The following CEBPZ variants were observed in gnomAD, a reference collection of about 807,000 sequenced individuals.
The protein encoded by CEBPZ is CCAAT/enhancer-binding protein zeta.
In CEBPZ, 78 loss-of-function variants were observed where a neutral mutation model predicts 104.5. That is an observed-to-expected ratio of 0.75 (90% confidence interval 0.62 to 0.90). CEBPZ has a LOEUF of 0.90. Ranked by LOEUF, CEBPZ falls within the 40% of genes least tolerant of loss-of-function variation. CEBPZ has a pLI of 0.00. For missense variants in CEBPZ, 1,439 were observed against 1,233.5 expected, an observed-to-expected ratio of 1.17 and a Z score of -2.50; for synonymous variants, 470 against 427.0, an observed-to-expected ratio of 1.10 and a Z score of -1.24.
chr2:37,223,765 C>T (rs1664821616), intron 2 of CEBPZ, among the ~76,000 whole-genome samples: 1 of 152,188 alleles, frequency 6.6e-6, no homozygotes, highest in South Asian at 2.1e-4. Context: ...CCCATGAAAG[C>T]AGAACATTAG....
intron 6 of CEBPZ, among the ~76,000 whole-genome samples, chr2:37,216,649 A>G (rs1207192540): frequency 1.3e-5 from 2 of 152,236 alleles, no homozygotes. Context: ...ATAGACTAAT[A>G]TTAATAATGC....
At chr2:37,222,319 A>G (rs1281340168) in intron 4 of CEBPZ, 61 bp downstream of exon 4, 1 of 1,317,790 alleles carries the variant, frequency 7.6e-7, no homozygotes, top group African/African-American at 1.5e-5. Context: ...GTAGAATGCT[A>G]TTTTCTATGA....
Position 37,211,866 on chromosome 2 carries a change from T to C in CEBPZ, c.2777A>G (p.Asp926Gly), listed in dbSNP as rs371661159. Residue 926 changes from aspartate (D) to glycine (G), a missense_variant, in exon 12 of 16, where the codon GAT (aspartate) becomes GGT (glycine). Asp to Gly is a moderately conservative substitution (Grantham distance 94). Transcript: ENST00000234170. ...EDGGTFMDVLDDESESVPELE... is the reference protein window; with the variant it reads ...EDGGTFMDVLGDESESVPELE... ...ACCTGGAACGCTCTCACTTTCATCA[T>C]CTAACACATCCATGAATGTTCCTCC... The C allele has an allele frequency of 6.2e-7, 1 of 1,605,838 alleles. No individual in the cohort carries two copies. Among genetic ancestry groups the C allele is most frequent in the Non-Finnish European group, 8.5e-7 (1 of 1,177,216 alleles).
chr2:37,209,343 C>G (rs1486165319), intron 13 of CEBPZ: 2 of 152,088 alleles, frequency 1.3e-5, no homozygotes, highest in Non-Finnish European at 2.9e-5. Flanking sequence ...CCAAGCAAGA[C>G]TAAACAAAAA....
chr2:37,220,471 C>A lies in CEBPZ; in HGVS notation c.2068G>T (p.Gly690Trp). The A allele has an allele frequency of 6.4e-7, 1 of 1,565,766 alleles. No individual in the cohort carries two copies. The highest frequency in any genetic ancestry group is 1.8e-5 in the Admixed American group (1 of 57,112). Residue 690 changes from glycine (G) to tryptophan (W), a missense_variant and splice_region_variant, in exon 5 of 16, where the codon GGG becomes TGG. Transcript: ENST00000234170. ...SWVHFDNLKG[G>W]KQLNKYDPFS... ...GGATCGTATTTATTTAACTGTTTCCCACCTAGGAATAACAAAAAAAATACG... is the reference window on the plus strand; with the variant it reads ...GGATCGTATTTATTTAACTGTTTCCAACCTAGGAATAACAAAAAAAATACG...
rs1055340783 is a variant in CEBPZ, at chr2:37,228,470, C to A, written c.723G>T (p.Ser241=). The change falls in exon 2 of 16, where the codon TCG becomes TCT. Residue 241 remains serine (S), a synonymous_variant. Transcript: ENST00000234170. ...CTGCCATCCTGTCACCTAGTGTCCC[C>A]GATGACACAATTGCCTTCATCCAGG... ...SSTWMKAIVS[S]GTLGDRMAAM... 6.2e-7 allele frequency: 1 copy of A among 1,614,120 alleles called. No homozygotes were observed.
chr2:37,220,461 A>T lies in CEBPZ; in HGVS notation c.2078T>A (p.Leu693Ter). 1 of 1,590,378 alleles carries T rather than the reference A, an allele frequency of 6.3e-7. No homozygotes were observed. The highest frequency in any genetic ancestry group is 8.6e-7 in the Non-Finnish European group (1 of 1,162,814). The change falls in exon 5 of 16, where the codon TTA becomes TAA. Residue 693 changes from leucine (L) to a stop codon, truncating the protein, a stop_gained. Coordinates refer to ENST00000234170, the MANE Select transcript of CEBPZ (RefSeq NM_005760.3). LOFTEE classifies it high-confidence loss of function. ...HFDNLKGGKQ[L>*]NKYDPFSRNP... ...TCTACTGAATGGATCGTATTTATTT[A>T]ACTGTTTCCCACCTAGGAATAACAA...
intron 4 of CEBPZ, among the ~76,000 whole-genome samples, chr2:37,220,866 G>A (rs928021988): frequency 6.6e-6 from 1 of 152,100 alleles, no homozygotes; most frequent in Non-Finnish European, 1.5e-5. Context: ...GTGTGGTGGT[G>A]TGTGCCTGTA....
intron 2 of CEBPZ, among the ~76,000 whole-genome samples, chr2:37,227,251 C>A (rs1340513706): frequency 6.6e-6 from 1 of 152,152 alleles, no homozygotes. Context: ...ACAAATATAG[C>A]AAAATGTTAA....
At chr2:37,230,766 C>T (rs1265646885) in intron 1 of CEBPZ, among the ~76,000 whole-genome samples, 1 of 152,150 alleles carries the variant, frequency 6.6e-6, no homozygotes. Context: ...CACTCTTCTG[C>T]CTGTCTTTGC....
chr2:37,217,907 A>AAC (rs959240337), intron 5 of CEBPZ, among the ~76,000 whole-genome samples: 4 of 149,826 alleles, frequency 2.7e-5, no homozygotes, highest in African/African-American at 9.8e-5. Flanking sequence ...GTCTCAAAAA[A>AAC]AAAAAACAAA....
rs1156244444 is a variant in CEBPZ, at chr2:37,227,465, GC to G, written c.1649+78del. On this transcript the variant is annotated intron_variant, in intron 2 of 15. Coordinates refer to ENST00000234170, the MANE Select transcript of CEBPZ (RefSeq NM_005760.3). ...ACCAAATTTTCTAACTCTTTTTCTT[GC>G]CCCACAGAGGGCACTGCTTGTGCTG... 1.8e-5 allele frequency: 25 copies of G among 1,404,116 alleles called. 1 individual carries two copies. Among genetic ancestry groups the G allele is most frequent in the African/African-American group, 1.7e-4 (12 of 69,114 alleles). 87.0% of individuals were successfully genotyped at this position (1,404,116 alleles called of 1,614,324 possible).
intron 13 of CEBPZ, among the ~76,000 whole-genome samples, chr2:37,205,710 G>GCC (rs1235726330): frequency 6.6e-6 from 1 of 152,206 alleles, no homozygotes; most frequent in Non-Finnish European, 1.5e-5. Context: ...GTAAGCAGAA[G>GCC]CCAGAGAGGC....
At chr2:37,202,166 T>C (rs1558462811) in intron 15 of CEBPZ, 1 of 237,778 alleles carries the variant, frequency 4.2e-6, no homozygotes, top group Non-Finnish European at 7.9e-6. Context: ...ACTGGTGAAA[T>C]AAAAACCAGT....
In CEBPZ at chr2:37,211,977, C is replaced by T; in HGVS notation, c.2666G>A (p.Ser889Asn). 4 of 1,613,310 alleles carry T rather than the reference C, an allele frequency of 2.5e-6. No individual in the cohort carries two copies. The highest frequency in any genetic ancestry group is 3.4e-6 in the Non-Finnish European group (4 of 1,179,760). Residue 889 changes from serine (S) to asparagine (N), a missense_variant, in exon 12 of 16, where the codon AGT becomes AAT. Coordinates refer to ENST00000234170, the MANE Select transcript of CEBPZ (RefSeq NM_005760.3). ...ATCCAGGTTACCAAGTTCATCATCA[C>T]TACCTTCTGAATCTTCATCTAATGT... is the stretch of plus-strand genomic sequence containing the variant. ...DNTLDEDSEG[S>N]DDELGNLDDD...
intron 13 of CEBPZ, 23 bp from the exon 14 acceptor site, chr2:37,203,031 A>C: frequency 7.0e-7 from 1 of 1,419,316 alleles, no homozygotes; most frequent in Non-Finnish European, 9.6e-7. Context: ...GTAAGTCTAC[A>C]TTATTCAATT....
chr2:37,213,029 A>G (rs898128902), intron 10 of CEBPZ, among the ~76,000 whole-genome samples: 1 of 151,572 alleles, frequency 6.6e-6, no homozygotes, highest in African/African-American at 2.4e-5. Flanking sequence ...CCTGGGAGAC[A>G]GAGAGAGCCT....
In CEBPZ at chr2:37,212,370, A is replaced by ATGTGTCTGCCAGTTATCATCTT. The variant is rs756093158; in HGVS notation, c.2567_2568insAAGATGATAACTGGCAGACACA (p.Cys856Ter). On this transcript the variant is annotated stop_gained and frameshift_variant, in exon 11 of 16. Coordinates refer to ENST00000234170, the MANE Select transcript of CEBPZ (RefSeq NM_005760.3). LOFTEE classifies it high-confidence loss of function. Reference sequence around the variant, plus strand: ...CCATATCATCCTTTCCAGAGCTGAAACAGTTATCATCTTCAAATGTGTCTG... The same window carrying ATGTGTCTGCCAGTTATCATCTT: ...CCATATCATCCTTTCCAGAGCTGAAATGTGTCTGCCAGTTATCATCTTCAGTTATCATCTTCAAATGTGTCTG... The ATGTGTCTGCCAGTTATCATCTT allele has an allele frequency of 7.4e-6, 12 of 1,613,524 alleles. No individual in the cohort carries two copies. Among genetic ancestry groups the ATGTGTCTGCCAGTTATCATCTT allele is most frequent in the Non-Finnish European group, 2.5e-6 (3 of 1,179,780 alleles).
intron 8 of CEBPZ, chr2:37,215,347 A>G (rs1677842804): frequency 6.5e-6 from 1 of 154,982 alleles, no homozygotes; most frequent in African/African-American, 2.4e-5. Flanking sequence ...CTTGCCATTA[A>G]TGCGTGCCAT....
Sources: allele counts gnomAD v4.1 joint callset (sites outside exome capture counted in the v4.1 genomes callset), GRCh38; gene constraint gnomAD v4.1.1; transcripts MANE v1.5; gene names NCBI Gene and HGNC (gene_info 2026-07-23, HGNC 2026-07-21).